MPPED2: variants seen among roughly 807,000 people sequenced by gnomAD.
MPPED2 encodes metallophosphoesterase MPPED2.
A neutral mutation model predicts 33.0 loss-of-function variants in MPPED2; 5 were observed. The observed-to-expected ratio is 0.15, with a 90% CI of 0.08 to 0.32. The LOEUF (loss-of-function observed/expected upper bound fraction) is 0.32, where lower values mean the gene tolerates loss of function less well. MPPED2 is among the 10% of genes least tolerant of loss of function. The probability of loss-of-function intolerance (pLI) is 1.00; values close to 1 mark genes in which losing one functional copy is unlikely to be tolerated. For synonymous variants in MPPED2, 136 were observed against 141.9 expected (o/e 0.96, Z 0.29); for missense variants, 275 against 372.1 (o/e 0.74, Z 2.15).
At chr11:30,468,623 G>A (rs967767813) in intron 4 of MPPED2, among the ~76,000 whole-genome samples, 2 of 152,104 alleles carry the variant, frequency 1.3e-5, no homozygotes, top group Non-Finnish European at 2.9e-5. Flanking sequence ...AAGAAAAGAT[G>A]CCCAGGCAAG....
Position 30,410,767 on chromosome 11 carries a change from GA to G in MPPED2, c.*700del. 1 of 985,000 alleles carries G rather than the reference GA, an allele frequency of 1.0e-6. No individual in the cohort carries two copies. Among genetic ancestry groups the G allele is most frequent in the Non-Finnish European group, 1.2e-6 (1 of 829,210 alleles). 61.0% of individuals were successfully genotyped at this position (985,000 alleles called of 1,614,324 possible). On this transcript the variant is annotated 3_prime_UTR_variant, in exon 7 of 7. Coordinates refer to ENST00000358117, the MANE Select transcript of MPPED2 (RefSeq NM_001584.3). The stretch of plus-strand genomic sequence containing the variant: ...TGCATGTTCATTTTTTTAACCGTAT[GA>G]AATACCTGCTCTTGACAGATTCCAT...
At chr11:30,401,709 G>C (rs1299161072) in intron 6 of MPPED2, among the ~76,000 whole-genome samples, 2 of 152,134 alleles carry the variant, frequency 1.3e-5, no homozygotes, top group African/African-American at 4.8e-5. Context: ...ACGGAGTCTC[G>C]CTCTGTCACC....
At chr11:30,577,561 A>G (rs545614365) in intron 2 of MPPED2, among the ~76,000 whole-genome samples, 1 of 152,346 alleles carries the variant, frequency 6.6e-6, no homozygotes, top group East Asian at 1.9e-4. Context: ...TAAATATTTT[A>G]TAGATATTTT....
chr11:30,495,254 A>T, intron 4 of MPPED2, 42 bp downstream of exon 4: 5 of 1,372,192 alleles, frequency 3.6e-6, no homozygotes, highest in Non-Finnish European at 5.2e-6. Flanking sequence ...CTTGGTACTG[A>T]GCTAAAAAGC....
intron 6 of MPPED2, among the ~76,000 whole-genome samples, chr11:30,391,804 C>T (rs988236213): frequency 6.6e-6 from 1 of 152,126 alleles, no homozygotes; most frequent in Non-Finnish European, 1.5e-5. Flanking sequence ...AATTCAACCT[C>T]CCCAGTTACC....
chr11:30,533,290 G>A (rs544783233), intron 3 of MPPED2, among the ~76,000 whole-genome samples: 5 of 152,198 alleles, frequency 3.3e-5, no homozygotes, highest in South Asian at 4.2e-4. Flanking sequence ...TAGAGGGAGT[G>A]CCTGGCCTAT....
At chr11:30,565,482 C>T (rs1027964420) in intron 2 of MPPED2, among the ~76,000 whole-genome samples, 3 of 152,082 alleles carry the variant, frequency 2.0e-5, no homozygotes, top group Non-Finnish European at 2.9e-5. Flanking sequence ...AGACGTAGGT[C>T]CATCAGAGCC....
chr11:30,404,832 T>G lies in MPPED2; in HGVS notation c.766+9396A>C, dbSNP rs1040861254. On this transcript the variant is annotated intron_variant, in intron 6 of 6. Coordinates refer to the MPPED2 transcript ENST00000448418. ...GGTGTTCAGTAAATATTTGTTGATT[T>G]CATCTGTGATTGATTTTGCCTATTT... 2.0e-5 allele frequency among the ~76,000 whole-genome samples: 3 copies of G among 152,350 alleles called. 1 individual carries two copies. Among genetic ancestry groups the G allele is most frequent in the Middle Eastern group, 6.8e-3 (2 of 294 alleles).
chr11:30,401,025 T>C (rs1182497311), intron 6 of MPPED2, among the ~76,000 whole-genome samples: 2 of 152,192 alleles, frequency 1.3e-5, no homozygotes, highest in Non-Finnish European at 2.9e-5. Context: ...TGCCTCAGCT[T>C]CCCACAGTGC....
chr11:30,528,809 G>T (rs1338818584), intron 3 of MPPED2, among the ~76,000 whole-genome samples: 1 of 151,986 alleles, frequency 6.6e-6, no homozygotes, highest in African/African-American at 2.4e-5. Context: ...GCCACTGAGG[G>T]TACCCAAAAA....
At chr11:30,421,140 T>G (rs1020794640) in intron 4 of MPPED2, among the ~76,000 whole-genome samples, 1 of 152,176 alleles carries the variant, frequency 6.6e-6, no homozygotes, top group Admixed American at 6.5e-5. Flanking sequence ...TCAGCGAGGA[T>G]AGTGAATCTC....
At chr11:30,572,294 A>G (rs765623453) in intron 2 of MPPED2, among the ~76,000 whole-genome samples, 39 of 152,152 alleles carry the variant, frequency 2.6e-4, no homozygotes, top group Non-Finnish European at 5.3e-4. Flanking sequence ...CTAATTTTAG[A>G]TTGCTTCTTT....
chr11:30,491,152 G>A (rs1951964138), intron 4 of MPPED2, among the ~76,000 whole-genome samples: 1 of 152,168 alleles, frequency 6.6e-6, no homozygotes, highest in African/African-American at 2.4e-5. Context: ...TTTCCGAGGG[G>A]AGAAAAGTGG....
At chr11:30,466,938 G>A (rs1346956442) in intron 4 of MPPED2, among the ~76,000 whole-genome samples, 1 of 152,116 alleles carries the variant, frequency 6.6e-6, no homozygotes, top group Non-Finnish European at 1.5e-5. Flanking sequence ...AATTGAATAC[G>A]TGTGTGTATG....
chr11:30,431,156 G>T (rs1337070312), intron 4 of MPPED2, among the ~76,000 whole-genome samples: 1 of 152,120 alleles, frequency 6.6e-6, no homozygotes, highest in African/African-American at 2.4e-5. Context: ...TTTTTGCAGC[G>T]GGTTGGGGGG....
At chr11:30,466,623 A>G (rs1216705777) in intron 4 of MPPED2, among the ~76,000 whole-genome samples, 1 of 152,224 alleles carries the variant, frequency 6.6e-6, no homozygotes, top group Non-Finnish European at 1.5e-5. Flanking sequence ...GGATCAGGGT[A>G]GCCATTGAGT....
chr11:30,453,222 C>T (rs1462614784), intron 4 of MPPED2, among the ~76,000 whole-genome samples: 1 of 152,166 alleles, frequency 6.6e-6, no homozygotes, highest in Admixed American at 6.5e-5. Flanking sequence ...AAGGGATACA[C>T]TGTTATGTCA....
intron 2 of MPPED2, among the ~76,000 whole-genome samples, chr11:30,543,166 T>A (rs538630): frequency 0.57 from 86,703 of 152,004 alleles, 24,874 homozygotes; most frequent in South Asian, 0.63. Context: ...CAGAAGTTTG[T>A]TTTTTAAAAT....
chr11:30,424,352 T>C (rs548270591), intron 4 of MPPED2, among the ~76,000 whole-genome samples: 4 of 152,302 alleles, frequency 2.6e-5, no homozygotes, highest in East Asian at 3.9e-4. Context: ...CGCTTTCTTT[T>C]CTAAATGGTA....
Sources: gnomAD v4.1 joint callset for allele counts (sites outside exome capture counted in the v4.1 genomes callset) on GRCh38, gnomAD v4.1.1 for gene constraint, MANE v1.5 for transcripts, NCBI Gene and HGNC (gene_info 2026-07-23, HGNC 2026-07-21) for gene names.